SUMF1: variants seen among roughly 807,000 people sequenced by gnomAD.
The protein encoded by SUMF1 is sulfatase modifying factor 1, also known as formylglycine-generating enzyme.
SUMF1 carries 48 observed loss-of-function variants against 47.6 expected under a neutral mutation model. That is an observed-to-expected ratio of 1.01 (90% CI 0.80 to 1.28). The LOEUF is 1.28. Ranked by LOEUF, SUMF1 falls within the 50% of genes most tolerant of loss-of-function variation. The pLI is 0.00. For missense variants in SUMF1, 571 were observed against 485.4 expected (o/e 1.18, Z -1.66); for synonymous variants, 230 against 192.1 (o/e 1.20, Z -1.63).
At chr3:4,055,131 C>G (rs1415270288) in intron 9 of SUMF1, among the ~76,000 whole-genome samples, 3 of 152,036 alleles carry the variant, frequency 2.0e-5, no homozygotes, top group Non-Finnish European at 2.9e-5. Flanking sequence ...TGACACTCAT[C>G]TGAATTAATG....
At chr3:4,035,708 T>C (rs760209938) in intron 9 of SUMF1, among the ~76,000 whole-genome samples, 2 of 152,220 alleles carry the variant, frequency 1.3e-5, no homozygotes, top group Non-Finnish European at 2.9e-5. Context: ...ATTCTGCTAC[T>C]TATTGGGCAT....
In SUMF1 at chr3:4,417,113, G is replaced by A. The variant is rs760878211; in HGVS notation, c.840+15C>T. ...TCAGCAGCTGCCACCCTCCTGCAGAGGTCTCATTACTCACAGGCGCAGTTC... is the reference window on the plus strand; with the variant it reads ...TCAGCAGCTGCCACCCTCCTGCAGAAGTCTCATTACTCACAGGCGCAGTTC... On this transcript the variant is annotated intron_variant, in intron 6 of 8. Transcript: ENST00000272902. 1.2e-6 allele frequency: 2 copies of A among 1,612,354 alleles called. No homozygotes were observed. The highest frequency in any genetic ancestry group is 1.7e-5 in the Admixed American group (1 of 59,990).
At chr3:4,203,523 GT>G (rs1271191015) in intron 8 of SUMF1, among the ~76,000 whole-genome samples, 1 of 151,802 alleles carries the variant, frequency 6.6e-6, no homozygotes, top group African/African-American at 2.4e-5. Flanking sequence ...TATTGGTCCT[GT>G]TTTTTACATC....
chr3:4,057,185 C>T (rs1005229858), intron 9 of SUMF1, among the ~76,000 whole-genome samples: 11 of 152,146 alleles, frequency 7.2e-5, no homozygotes, highest in African/African-American at 2.7e-4. Flanking sequence ...GCACCACCAG[C>T]TGCACTCAGA....
At chr3:4,279,358 T>C (rs1432339462) in intron 8 of SUMF1, among the ~76,000 whole-genome samples, 2 of 152,158 alleles carry the variant, frequency 1.3e-5, no homozygotes, top group African/African-American at 4.8e-5. Context: ...AAGTCATATA[T>C]GGGTTTTTAC....
At chr3:4,207,775 C>T (rs1281162631) in intron 8 of SUMF1, among the ~76,000 whole-genome samples, 2 of 152,002 alleles carry the variant, frequency 1.3e-5, no homozygotes, top group South Asian at 2.1e-4. Context: ...AAAAACATAG[C>T]GACAGACAAG....
chr3:4,335,563 C>T (rs1230910691), intron 8 of SUMF1, among the ~76,000 whole-genome samples: 4 of 152,178 alleles, frequency 2.6e-5, no homozygotes, highest in African/African-American at 9.7e-5. Flanking sequence ...AACCTCATCT[C>T]AACTGAAAAT....
intron 8 of SUMF1, among the ~76,000 whole-genome samples, chr3:4,329,643 G>C (rs1042021686): frequency 9.2e-5 from 14 of 152,336 alleles, no homozygotes; most frequent in African/African-American, 3.1e-4. Context: ...GATGGGAGGG[G>C]CTGCCCTGAG....
intron 8 of SUMF1, among the ~76,000 whole-genome samples, chr3:4,223,680 C>A (rs1044020285): frequency 6.6e-6 from 1 of 152,132 alleles, no homozygotes; most frequent in African/African-American, 2.4e-5. Context: ...AAGATTCACC[C>A]TCCAAAATTA....
At chr3:4,178,380 G>T (rs1306718060) in intron 8 of SUMF1, among the ~76,000 whole-genome samples, 5 of 152,148 alleles carry the variant, frequency 3.3e-5, no homozygotes, top group Non-Finnish European at 5.9e-5. Context: ...TGCAAGTCTG[G>T]TTCAACATAC....
At chr3:4,063,699 A>G (rs1695317415) in intron 9 of SUMF1, among the ~76,000 whole-genome samples, 2 of 152,232 alleles carry the variant, frequency 1.3e-5, no homozygotes, top group South Asian at 4.2e-4. Context: ...CTATTTAGCC[A>G]TCCTGGTGGT....
In SUMF1 at chr3:4,466,982, G is replaced by T; in HGVS notation, c.264C>A (p.His88Gln). Residue 88 changes from histidine to glutamine, a missense_variant, in exon 1 of 9, where the codon CAC becomes CAA. Coordinates refer to ENST00000272902, the MANE Select transcript of SUMF1 (RefSeq NM_182760.4). ...GPVPGERQLA[H>Q]SKMVPIPAGV... ...GGAGGAATCGATGGAGCACCTTTGA[G>T]TGCGCGAGTTGCCGCTCTCCGGGTA... 1 of 1,604,134 alleles carries T rather than the reference G, an allele frequency of 6.2e-7. No homozygotes were observed. Among genetic ancestry groups the T allele is most frequent in the Non-Finnish European group, 8.5e-7 (1 of 1,176,920 alleles).
chr3:4,455,630 T>G (rs1703135602), intron 1 of SUMF1, among the ~76,000 whole-genome samples: 1 of 152,138 alleles, frequency 6.6e-6, no homozygotes, highest in Non-Finnish European at 1.5e-5. Context: ...GGCAGGAGAA[T>G]CACTGGAACC....
chr3:4,325,111 T>C (rs572126719), intron 8 of SUMF1, among the ~76,000 whole-genome samples: 1 of 152,120 alleles, frequency 6.6e-6, no homozygotes. Flanking sequence ...CCCAGCCCCA[T>C]AATTCAATTA....
At chr3:4,152,228 G>A (rs1350220924) in intron 8 of SUMF1, among the ~76,000 whole-genome samples, 2 of 151,546 alleles carry the variant, frequency 1.3e-5, no homozygotes, top group East Asian at 3.9e-4. Flanking sequence ...GTGAGAGATA[G>A]GAAAGGGTTT....
intron 8 of SUMF1, among the ~76,000 whole-genome samples, chr3:4,161,283 G>T (rs1694570847): frequency 6.6e-6 from 1 of 152,158 alleles, no homozygotes; most frequent in Admixed American, 6.5e-5. Flanking sequence ...CACAGCACTG[G>T]ATCTTGCCCA....
chr3:4,421,344 C>G (rs2125045768), intron 3 of SUMF1, among the ~76,000 whole-genome samples: 1 of 152,258 alleles, frequency 6.6e-6, no homozygotes, highest in African/African-American at 2.4e-5. Context: ...TATGACTATG[C>G]CCTTAGCAAC....
chr3:4,313,329 CAG>C, intron 8 of SUMF1: 1 of 1,613,988 alleles, frequency 6.2e-7, no homozygotes, highest in East Asian at 2.2e-5. Context: ...TTATAGCCAT[CAG>C]GGAACATGTT....
intron 8 of SUMF1, among the ~76,000 whole-genome samples, chr3:4,183,163 T>C (rs945683649): frequency 1.3e-5 from 2 of 152,178 alleles, no homozygotes; most frequent in African/African-American, 4.8e-5. Context: ...AACTAAAAGC[T>C]TGGTGTCAGA....
Sources: allele counts gnomAD v4.1 joint callset (sites outside exome capture counted in the v4.1 genomes callset), GRCh38; gene constraint gnomAD v4.1.1; transcripts MANE v1.5; gene names NCBI Gene and HGNC (gene_info 2026-07-23, HGNC 2026-07-21).